NREP: variants seen among roughly 807,000 people sequenced by gnomAD.
The protein encoded by NREP is neuronal regeneration related protein, also known as neuronal regeneration-related protein.
NREP carries 5 observed loss-of-function variants against 8.6 expected under a neutral mutation model. That is an observed-to-expected ratio of 0.58 (90% CI 0.30 to 1.22). NREP has a LOEUF of 1.22. Ranked by LOEUF, NREP falls within the 50% of genes most tolerant of loss-of-function variation. The pLI, the probability that NREP is intolerant of heterozygous loss-of-function variation, is 0.07. For missense variants in NREP, 86 were observed against 82.5 expected (o/e 1.04, Z -0.17); for synonymous variants, 27 against 28.0 (o/e 0.96, Z 0.11).
At chr5:111,879,686 C>A (rs749833972) in intron 2 of NREP, among the ~76,000 whole-genome samples, 2 of 152,272 alleles carry the variant, frequency 1.3e-5, no homozygotes, top group Non-Finnish European at 2.9e-5. Context: ...GACAACTTAA[C>A]AAAAATTTAT....
At chr5:111,793,154 T>C (rs1751790195) in intron 2 of NREP, among the ~76,000 whole-genome samples, 1 of 152,140 alleles carries the variant, frequency 6.6e-6, no homozygotes, top group Non-Finnish European at 1.5e-5. Context: ...TTTTTTACAT[T>C]TTGACAATTG....
intron 2 of NREP, among the ~76,000 whole-genome samples, chr5:111,809,745 T>C (rs1752226375): frequency 6.6e-6 from 1 of 152,130 alleles, no homozygotes; most frequent in African/African-American, 2.4e-5. Flanking sequence ...AAACCTTTTT[T>C]TAAAATAAAT....
intron 2 of NREP, among the ~76,000 whole-genome samples, chr5:111,952,123 C>T (rs551876554): frequency 1.2e-4 from 18 of 152,134 alleles, no homozygotes; most frequent in Admixed American, 5.2e-4. Flanking sequence ...CCTTTCCCGA[C>T]GAATCATACA....
At chr5:111,927,811 T>C (rs774773595) in intron 2 of NREP, among the ~76,000 whole-genome samples, 11 of 152,142 alleles carry the variant, frequency 7.2e-5, no homozygotes, top group Non-Finnish European at 1.0e-4. Context: ...AAAAACCTCT[T>C]TGGGAAAGGC....
chr5:111,829,267 T>C (rs1451671502), intron 2 of NREP, among the ~76,000 whole-genome samples: 2 of 150,916 alleles, frequency 1.3e-5, no homozygotes, highest in African/African-American at 4.9e-5. Flanking sequence ...CAAAAAAGGG[T>C]TTTCAAGCAA....
intron 2 of NREP, among the ~76,000 whole-genome samples, chr5:111,953,240 C>T (rs944685539): frequency 6.6e-6 from 1 of 152,110 alleles, no homozygotes; most frequent in Non-Finnish European, 1.5e-5. Flanking sequence ...GCTCAAAGCC[C>T]TGTCAAGCAC....
rs1292229804 is a variant in NREP at position 111,729,436 on chromosome 5, A to ACTC, written c.*1482_*1484dup. 1 of 152,490 alleles carries ACTC rather than the reference A, an allele frequency of 6.6e-6. No individual in the cohort carries two copies. Among genetic ancestry groups the ACTC allele is most frequent in the African/African-American group, 2.4e-5 (1 of 41,444 alleles). 9.4% of individuals were successfully genotyped at this position (152,490 alleles called of 1,614,324 possible). On this transcript the variant is annotated 3_prime_UTR_variant, in exon 4 of 4. Coordinates refer to ENST00000257435, the MANE Select transcript of NREP (RefSeq NM_004772.4). Reference sequence around the variant, plus strand: ...GCATTTTCAGCAGTACACAACTGCAACTCTACATAAATGCCACAGATGCAG... The same window carrying ACTC: ...GCATTTTCAGCAGTACACAACTGCAACTCCTCTACATAAATGCCACAGATGCAG...
intron 2 of NREP, among the ~76,000 whole-genome samples, chr5:111,789,658 G>A (rs910033687): frequency 2.0e-5 from 3 of 152,078 alleles, no homozygotes; most frequent in African/African-American, 7.2e-5. Flanking sequence ...TGCTCTCATT[G>A]TACTTTCAGT....
intron 3 of NREP, chr5:111,732,471 A>AT (rs946254651): frequency 3.3e-5 from 5 of 151,988 alleles, no homozygotes; most frequent in South Asian, 2.1e-4. Flanking sequence ...TTAGGTTGTG[A>AT]TTTTAGAGGT....
At chr5:111,949,448 A>G (rs1336525607) in intron 2 of NREP, among the ~76,000 whole-genome samples, 2 of 151,982 alleles carry the variant, frequency 1.3e-5, no homozygotes, top group African/African-American at 2.4e-5. Context: ...GATTTTATTT[A>G]TTTTATTTGT....
At chr5:111,762,155 C>T (rs902284114), upstream of NREP, among the ~76,000 whole-genome samples, 1 of 152,012 alleles carries the variant, frequency 6.6e-6, no homozygotes, top group South Asian at 2.1e-4. Flanking sequence ...AATTGCAGGA[C>T]TCATTATGGG....
chr5:111,943,329 T>C (rs1484878761), intron 2 of NREP, among the ~76,000 whole-genome samples: 2 of 152,088 alleles, frequency 1.3e-5, no homozygotes, highest in Non-Finnish European at 2.9e-5. Flanking sequence ...CTGCCTTGAT[T>C]TTCCTTGCCT....
At chr5:111,902,179 C>T (rs1754662783) in intron 2 of NREP, among the ~76,000 whole-genome samples, 1 of 151,950 alleles carries the variant, frequency 6.6e-6, no homozygotes, top group African/African-American at 2.4e-5. Flanking sequence ...AACAAAGACA[C>T]CAAGAACATA....
At position 111,904,210 on chromosome 5, in the gene NREP, T is replaced by C. The variant is rs117315634; in HGVS notation, c.135+71064A>G. On this transcript the variant is annotated intron_variant, in intron 2 of 3. Coordinates refer to the NREP transcript ENST00000395634. ...CTATTGATGAACCAATAATGATACATTGTTTTTAACTAAAGTCCATAGTTT... is the reference window on the plus strand; with the variant it reads ...CTATTGATGAACCAATAATGATACACTGTTTTTAACTAAAGTCCATAGTTT... 1.9e-4 allele frequency among the ~76,000 whole-genome samples: 29 copies of C among 152,250 alleles called. No individual in the cohort carries two copies. In the East Asian group the frequency reaches 2.9e-3, roughly 15 times the overall value.
intron 2 of NREP, among the ~76,000 whole-genome samples, chr5:111,920,754 A>G (rs73787730): frequency 0.014 from 2,155 of 152,150 alleles, 26 homozygotes; most frequent in South Asian, 0.038. Flanking sequence ...CATGTTCCTT[A>G]TCTCTTCCTA....
chr5:111,938,461 G>T (rs1190850581), intron 2 of NREP, among the ~76,000 whole-genome samples: 1 of 151,964 alleles, frequency 6.6e-6, no homozygotes, highest in Non-Finnish European at 1.5e-5. Context: ...CCAGGCAAGT[G>T]AAACTTAAAC....
At chr5:111,911,329 A>G (rs1754907248) in intron 2 of NREP, among the ~76,000 whole-genome samples, 1 of 152,058 alleles carries the variant, frequency 6.6e-6, no homozygotes, top group Non-Finnish European at 1.5e-5. Flanking sequence ...TGAATATATA[A>G]TCTATTTACT....
intron 2 of NREP, among the ~76,000 whole-genome samples, chr5:111,951,364 T>A (rs1318215826): frequency 6.7e-6 from 1 of 150,318 alleles, no homozygotes. Flanking sequence ...TGATTTAGTA[T>A]TTTTTTTACA....
At chr5:111,778,057 T>G (rs1040901069) in intron 2 of NREP, among the ~76,000 whole-genome samples, 1 of 152,152 alleles carries the variant, frequency 6.6e-6, no homozygotes, top group Non-Finnish European at 1.5e-5. Flanking sequence ...CCCAAGAAAC[T>G]GATACCTGGT....
Sources: gnomAD v4.1 joint callset for allele counts (sites outside exome capture counted in the v4.1 genomes callset) on GRCh38, gnomAD v4.1.1 for gene constraint, MANE v1.5 for transcripts, NCBI Gene and HGNC (gene_info 2026-07-23, HGNC 2026-07-21) for gene names.